Variants in SYN3 observed in about 807,000 individuals in gnomAD.
SYN3 encodes the protein synapsin III.
In SYN3, 35 loss-of-function variants were observed where a neutral mutation model predicts 65.8. The observed-to-expected ratio is 0.53, with a 90% CI of 0.41 to 0.70. The LOEUF (loss-of-function observed/expected upper bound fraction) is 0.70, where lower values mean the gene tolerates loss of function less well. SYN3 is among the 30% of genes least tolerant of loss of function. SYN3 has a pLI of 0.00. For missense variants in SYN3, 680 were observed against 749.0 expected, an observed-to-expected ratio of 0.91 and a Z score of 1.08; for synonymous variants, 270 against 292.9, an observed-to-expected ratio of 0.92 and a Z score of 0.80.
chr22:32,519,370 C>G (rs1286571149), intron 12 of SYN3: 1 of 151,790 alleles, frequency 6.6e-6, no homozygotes, highest in South Asian at 2.1e-4. Context: ...GAAACAACGA[C>G]AAGAATTAAC....
At chr22:33,003,205 T>C (rs536002506) in intron 2 of SYN3, among the ~76,000 whole-genome samples, 5 of 152,270 alleles carry the variant, frequency 3.3e-5, no homozygotes, top group Non-Finnish European at 5.9e-5. Context: ...ATATAGTAAA[T>C]TGGTACCCCA....
intron 2 of SYN3, among the ~76,000 whole-genome samples, chr22:32,992,255 T>C (rs1224393169): frequency 1.3e-5 from 2 of 152,208 alleles, no homozygotes; most frequent in African/African-American, 2.4e-5. Context: ...CCTGACCCTT[T>C]CATGGTCTAA....
chr22:32,883,176 A>AG (rs2049190525), intron 4 of SYN3, among the ~76,000 whole-genome samples: 4 of 152,254 alleles, frequency 2.6e-5, no homozygotes, highest in Admixed American at 2.6e-4. Context: ...AAGAGGCTGC[A>AG]GAGGGTGCAG....
At chr22:32,562,820 G>A (rs1024476676) in intron 7 of SYN3, among the ~76,000 whole-genome samples, 1 of 152,248 alleles carries the variant, frequency 6.6e-6, no homozygotes. Flanking sequence ...GCAGGTGATT[G>A]GCCCAGGGTC....
At chr22:32,531,069 G>A (rs918066181) in intron 10 of SYN3, among the ~76,000 whole-genome samples, 6 of 140,036 alleles carry the variant, frequency 4.3e-5, no homozygotes, top group Admixed American at 3.2e-4. Flanking sequence ...TTTCCCTCCC[G>A]CCTGGGTTTT....
intron 6 of SYN3, among the ~76,000 whole-genome samples, chr22:32,643,456 G>A (rs2146898680): frequency 6.8e-6 from 1 of 147,726 alleles, no homozygotes; most frequent in Admixed American, 6.9e-5. Flanking sequence ...CGCCCCACAG[G>A]GGTCAACTTA....
intron 6 of SYN3, among the ~76,000 whole-genome samples, chr22:32,813,511 ACACAC>A (rs2046970160): frequency 1.3e-5 from 2 of 150,020 alleles, no homozygotes; most frequent in African/African-American, 5.0e-5. Context: ...ACACACACAC[ACACAC>A]ACACACACAC....
intron 6 of SYN3, among the ~76,000 whole-genome samples, chr22:32,691,251 G>T (rs929672859): frequency 6.6e-6 from 1 of 152,220 alleles, no homozygotes; most frequent in Admixed American, 6.5e-5. Flanking sequence ...TCAGGAAGAA[G>T]ACTACTGCCA....
chr22:32,726,451 T>C (rs1427982810), intron 6 of SYN3, among the ~76,000 whole-genome samples: 1 of 152,152 alleles, frequency 6.6e-6, no homozygotes, highest in Non-Finnish European at 1.5e-5. Flanking sequence ...CCAGTATAGA[T>C]TCTTTTGGGG....
chr22:32,526,811 G>A (rs988406349), intron 12 of SYN3, among the ~76,000 whole-genome samples: 6 of 152,116 alleles, frequency 3.9e-5, no homozygotes, highest in Admixed American at 6.5e-5. Flanking sequence ...GAGCTACCGC[G>A]CCCGGCCTCT....
chr22:32,644,554 G>A (rs2059956670), intron 6 of SYN3, among the ~76,000 whole-genome samples: 1 of 152,196 alleles, frequency 6.6e-6, no homozygotes, highest in Admixed American at 6.5e-5. Flanking sequence ...AGCAGGAAGT[G>A]TGCTGGGCTG....
chr22:32,986,844 TCTCC>T (rs112370707), intron 2 of SYN3, among the ~76,000 whole-genome samples: 2 of 152,066 alleles, frequency 1.3e-5, no homozygotes, highest in African/African-American at 4.8e-5. Flanking sequence ...GAAGATTCTC[TCTCC>T]GTGGGTGGTC....
chr22:32,790,406 CTTTATTTATTTA>C (rs130557), intron 6 of SYN3, among the ~76,000 whole-genome samples: 43 of 145,800 alleles, frequency 2.9e-4, no homozygotes, highest in African/African-American at 1.1e-3. Flanking sequence ...TTAAATTAAA[CTTTATTTATTTA>C]TTTATTTATT....
chr22:32,693,849 C>T (rs938097122), intron 6 of SYN3, among the ~76,000 whole-genome samples: 60 of 152,048 alleles, frequency 3.9e-4, no homozygotes, highest in African/African-American at 1.4e-3. Flanking sequence ...TCCCAAAGTG[C>T]TGGGATTACA....
chr22:32,992,361 T>G (rs1036193815), intron 2 of SYN3, among the ~76,000 whole-genome samples: 1 of 152,248 alleles, frequency 6.6e-6, no homozygotes, highest in Non-Finnish European at 1.5e-5. Context: ...ACTCAGTCTC[T>G]GGATGACTTT....
At chr22:32,970,038 A>G (rs1463932734) in intron 3 of SYN3, among the ~76,000 whole-genome samples, 1 of 152,210 alleles carries the variant, frequency 6.6e-6, no homozygotes, top group East Asian at 1.9e-4. Context: ...TGAATGCTTC[A>G]AGAGACTGAA....
chr22:33,046,841 TAAAA>T (rs71187229), intron 1 of SYN3, among the ~76,000 whole-genome samples: 3 of 92,764 alleles, frequency 3.2e-5, no homozygotes, highest in African/African-American at 4.2e-5. Flanking sequence ...AGTCTCTGTT[TAAAA>T]AAAAAAAAAA....
At chr22:32,596,577 T>C in intron 7 of SYN3, 97 bp downstream of exon 7, 1 of 1,285,550 alleles carries the variant, frequency 7.8e-7, no homozygotes. Context: ...TGGGTGCCTG[T>C]GCTAAGGGGT....
chr22:32,832,426 G>A (rs1311493501), intron 6 of SYN3, among the ~76,000 whole-genome samples: 1 of 151,818 alleles, frequency 6.6e-6, no homozygotes, highest in Admixed American at 6.6e-5. Flanking sequence ...AGGAGGAAAT[G>A]ATTTGTCAAA....
Sources: allele counts gnomAD v4.1 joint callset (sites outside exome capture counted in the v4.1 genomes callset), GRCh38; gene constraint gnomAD v4.1.1; transcripts MANE v1.5; gene names NCBI Gene and HGNC (gene_info 2026-07-23, HGNC 2026-07-21).